LRFN2: variants seen among roughly 807,000 people sequenced by gnomAD.
The protein encoded by LRFN2 is leucine rich repeat and fibronectin type III domain containing 2.
A neutral mutation model predicts 37.3 loss-of-function variants in LRFN2; 18 were observed. The ratio of observed to expected loss-of-function variants is 0.48; its 90% CI spans 0.33 to 0.72. LRFN2 has a LOEUF of 0.72. LRFN2 is among the 30% of genes least tolerant of loss of function. LRFN2 has a pLI of 0.02. For synonymous variants in LRFN2, 556 were observed against 466.6 expected, an observed-to-expected ratio of 1.19 and a Z score of -2.47; for missense variants, 1,006 against 1,060.7, an observed-to-expected ratio of 0.95 and a Z score of 0.72.
At chr6:40,453,863 T>C (rs186375656) in intron 1 of LRFN2, among the ~76,000 whole-genome samples, 2 of 152,282 alleles carry the variant, frequency 1.3e-5, no homozygotes, top group Admixed American at 6.5e-5. Context: ...AGCAAAATGT[T>C]CCCATAAACA....
chr6:40,554,964 A>T (rs1766841967), intron 1 of LRFN2, among the ~76,000 whole-genome samples: 1 of 152,226 alleles, frequency 6.6e-6, no homozygotes, highest in Admixed American at 6.5e-5. Context: ...ATTAGTTATA[A>T]TTATTTAAGA....
At chr6:40,400,913 G>A (rs1046695721) in intron 2 of LRFN2, among the ~76,000 whole-genome samples, 2 of 151,684 alleles carry the variant, frequency 1.3e-5, no homozygotes, top group African/African-American at 4.8e-5. Context: ...GAGTGTAGGT[G>A]TTTACATGTA....
intron 1 of LRFN2, among the ~76,000 whole-genome samples, chr6:40,517,076 TC>T (rs1298081698): frequency 1.3e-5 from 2 of 152,118 alleles, no homozygotes; most frequent in African/African-American, 4.8e-5. Flanking sequence ...AGAACAGCCC[TC>T]CTGTGGCAAA....
At chr6:40,409,630 A>T (rs908925425) in intron 2 of LRFN2, among the ~76,000 whole-genome samples, 1 of 152,158 alleles carries the variant, frequency 6.6e-6, no homozygotes, top group African/African-American at 2.4e-5. Context: ...CGGGAATGAG[A>T]ACACTACCAC....
rs1763540255 is a variant in LRFN2 at position 40,432,825 on chromosome 6, G to A, written c.289C>T (p.Leu97=). Residue 97 remains leucine, a synonymous_variant, in exon 2 of 3, where the codon CTG becomes TTG. Transcript: ENST00000338305. ...TISHIQPFSF[L]DLESLRSLHL... ...AGGGAGCGGAGGCTCTCGAGGTCCA[G>A]AAAGGAAAAGGGCTGGATGTGGCTG... 1 of 1,614,116 alleles carries A rather than the reference G, an allele frequency of 6.2e-7. No individual in the cohort carries two copies. The highest frequency in any genetic ancestry group is 8.5e-7 in the Non-Finnish European group (1 of 1,180,052).
At position 40,432,960 on chromosome 6, in the gene LRFN2, G is replaced by A. The variant is rs747904724; in HGVS notation, c.154C>T (p.Arg52Trp). 1.9e-6 allele frequency: 3 copies of A among 1,613,446 alleles called. No individual in the cohort carries two copies. The highest frequency in any genetic ancestry group is 1.7e-6 in the Non-Finnish European group (2 of 1,179,654). ...CCCAGGCGCAGCTCCACTGTCCGCC[G>A]GTCAATATCAGGGGGTACAAAGAGC... ...GLLFVPPDID[R>W]RTVELRLGGN... is the part of the protein sequence containing the mutation. The change falls in exon 2 of 3, where the codon CGG (arginine) becomes TGG (tryptophan). Residue 52 changes from arginine to tryptophan, a missense_variant. This residue lies in a region of LRFN2 where 185 missense variants were observed against 254.9 expected (regional missense o/e 0.73). Coordinates refer to ENST00000338305, the MANE Select transcript of LRFN2 (RefSeq NM_020737.3).
chr6:40,437,755 G>C (rs1456304147), intron 1 of LRFN2, among the ~76,000 whole-genome samples: 1 of 152,196 alleles, frequency 6.6e-6, no homozygotes, highest in South Asian at 2.1e-4. Flanking sequence ...TATCTAGGTT[G>C]CAAGGGCTCT....
intron 1 of LRFN2, among the ~76,000 whole-genome samples, chr6:40,556,171 G>C (rs1766872459): frequency 6.6e-6 from 1 of 152,108 alleles, no homozygotes; most frequent in Admixed American, 6.5e-5. Context: ...TCTAAACTGG[G>C]GTCTGGGAGA....
At chr6:40,458,505 C>T (rs763389340) in intron 1 of LRFN2, among the ~76,000 whole-genome samples, 6 of 152,180 alleles carry the variant, frequency 3.9e-5, no homozygotes, top group South Asian at 2.1e-4. Context: ...GCTATGTTGA[C>T]GGGTGATAGT....
chr6:40,401,426 A>T (rs540243051), intron 2 of LRFN2, among the ~76,000 whole-genome samples: 8 of 152,192 alleles, frequency 5.3e-5, no homozygotes, highest in Non-Finnish European at 1.2e-4. Flanking sequence ...GGGCAGGATG[A>T]CAAGGCCTAG....
chr6:40,418,439 T>C (rs1332732432), intron 2 of LRFN2, among the ~76,000 whole-genome samples: 1 of 152,218 alleles, frequency 6.6e-6, no homozygotes, highest in African/African-American at 2.4e-5. Context: ...TACTTTTCCC[T>C]GTTCCCACCT....
At chr6:40,505,232 C>T (rs1765502059) in intron 1 of LRFN2, among the ~76,000 whole-genome samples, 1 of 152,176 alleles carries the variant, frequency 6.6e-6, no homozygotes, top group African/African-American at 2.4e-5. Flanking sequence ...GGTGAGATCC[C>T]TAACATGAGA....
intron 1 of LRFN2, among the ~76,000 whole-genome samples, chr6:40,577,918 C>T (rs1467150748): frequency 6.6e-6 from 1 of 151,756 alleles, no homozygotes; most frequent in African/African-American, 2.4e-5. Flanking sequence ...AGGAATATGG[C>T]CCAGGAGGAT....
intron 1 of LRFN2, among the ~76,000 whole-genome samples, chr6:40,444,432 T>C (rs1171506067): frequency 6.6e-6 from 1 of 152,178 alleles, no homozygotes; most frequent in East Asian, 1.9e-4. Flanking sequence ...GCTGATCAGA[T>C]AAAAGCCGCT....
At chr6:40,453,937 T>A (rs1355281379) in intron 1 of LRFN2, among the ~76,000 whole-genome samples, 1 of 152,184 alleles carries the variant, frequency 6.6e-6, no homozygotes, top group Non-Finnish European at 1.5e-5. Context: ...TGTCTCTCCC[T>A]GCTTCAGGTA....
chr6:40,425,534 C>T (rs1763332774), intron 2 of LRFN2, among the ~76,000 whole-genome samples: 1 of 152,218 alleles, frequency 6.6e-6, no homozygotes, highest in Admixed American at 6.5e-5. Context: ...GCAGAGGAGG[C>T]TGCCTTTCTG....
At chr6:40,524,890 G>T (rs1043325764) in intron 1 of LRFN2, among the ~76,000 whole-genome samples, 1 of 152,198 alleles carries the variant, frequency 6.6e-6, no homozygotes, top group African/African-American at 2.4e-5. Context: ...TCCATACCCT[G>T]CTCCTTTATT....
intron 2 of LRFN2, among the ~76,000 whole-genome samples, chr6:40,411,807 G>T (rs1456094931): frequency 6.6e-6 from 1 of 152,036 alleles, no homozygotes; most frequent in Admixed American, 6.5e-5. Context: ...GCCATGTCTT[G>T]CCTGGGGTTT....
In LRFN2 at chr6:40,392,535, C is replaced by T. The variant is rs763581852; in HGVS notation, c.1778G>A (p.Gly593Glu). The T allele has an allele frequency of 1.1e-5, 17 of 1,574,040 alleles. No individual in the cohort carries two copies. The highest frequency in any genetic ancestry group is 5.4e-5 in the Admixed American group (3 of 55,540). ...QPPPPSSAPA[G>E]APPQGPPKVV... ...CTTCGGCGGGCCCTGCGGCGGGGCCCCGGCTGGTGCGCTGCTTGGAGGCGG... is the reference window on the plus strand; with the variant it reads ...CTTCGGCGGGCCCTGCGGCGGGGCCTCGGCTGGTGCGCTGCTTGGAGGCGG... The change falls in exon 3 of 3, where the codon GGG (glycine) becomes GAG (glutamate). Residue 593 changes from glycine (G) to glutamate (E), a missense_variant. Gly to Glu is a moderately conservative substitution (Grantham distance 98). This residue lies in a region of LRFN2 where 398 missense variants were observed against 327.6 expected (regional missense o/e 1.21). Coordinates refer to ENST00000338305, the MANE Select transcript of LRFN2 (RefSeq NM_020737.3). This position sits in a 1 kb window ranked among gnomAD's most constrained non-coding sequence, Gnocchi z 4.7.
Sources: gnomAD v4.1 joint callset for allele counts (sites outside exome capture counted in the v4.1 genomes callset) on GRCh38, gnomAD v4.1.1 for gene constraint, gnomAD v4.1.1 regional missense constraint, Gnocchi (gnomAD v3.1) non-coding constraint, MANE v1.5 for transcripts, NCBI Gene and HGNC (gene_info 2026-07-23, HGNC 2026-07-21) for gene names.